The following KANSL1L variants were observed in gnomAD, a reference collection of about 807,000 sequenced individuals.
The protein encoded by KANSL1L is KAT8 regulatory NSL complex subunit 1 like.
In KANSL1L, 25 loss-of-function variants were observed where a neutral mutation model predicts 108.6. The observed-to-expected ratio is 0.23, with a 90% CI of 0.17 to 0.32. KANSL1L has a LOEUF of 0.32. Among genes scored for constraint, KANSL1L ranks in the 10% least tolerant of loss-of-function variants. The pLI, the probability that KANSL1L is intolerant of heterozygous loss-of-function variation, is 1.00. For synonymous variants in KANSL1L, 405 were observed against 395.1 expected (o/e 1.03, Z -0.30); for missense variants, 1,137 against 1,125.7 (o/e 1.01, Z -0.14).
At chr2:210,026,887 C>T (rs2093945402) in intron 12 of KANSL1L, among the ~76,000 whole-genome samples, 1 of 152,178 alleles carries the variant, frequency 6.6e-6, no homozygotes, top group South Asian at 2.1e-4. Context: ...TCTCCTGCCT[C>T]AGCCTCCCAA....
upstream of KANSL1L, chr2:210,171,865 C>A (rs1231687066): frequency 6.6e-6 from 1 of 152,112 alleles, no homozygotes; most frequent in Admixed American, 6.5e-5. Context: ...TTGTCAAGTC[C>A]GCAAGTCTCC....
intron 6 of KANSL1L, among the ~76,000 whole-genome samples, chr2:210,059,581 G>C (rs779884783): frequency 1.9e-4 from 29 of 152,090 alleles, no homozygotes; most frequent in Non-Finnish European, 3.1e-4. Context: ...TTTCTCACAG[G>C]AATATGTTAT....
chr2:210,138,565 T>C (rs902915845), intron 2 of KANSL1L, among the ~76,000 whole-genome samples: 1 of 152,348 alleles, frequency 6.6e-6, no homozygotes, highest in Middle Eastern at 3.4e-3. Flanking sequence ...CTAAGGAAGC[T>C]TAACATTGGG....
At chr2:210,090,723 GGGTCTCACTATATTGTCTAGGCT>G (rs1233642540) in intron 5 of KANSL1L, among the ~76,000 whole-genome samples, 2 of 152,000 alleles carry the variant, frequency 1.3e-5, no homozygotes, top group African/African-American at 2.4e-5. Flanking sequence ...TGAAGAGATG[GGGTCTCACTATATTGTCTAGGCT>G]GGTCTCAAAC....
chr2:210,104,772 C>T (rs1425654787), intron 3 of KANSL1L, among the ~76,000 whole-genome samples: 1 of 152,080 alleles, frequency 6.6e-6, no homozygotes, highest in African/African-American at 2.4e-5. Flanking sequence ...CTAACTCTAT[C>T]CTAACTCCTT....
At chr2:210,146,541 G>T (rs2125613373) in intron 2 of KANSL1L, among the ~76,000 whole-genome samples, 1 of 152,308 alleles carries the variant, frequency 6.6e-6, no homozygotes, top group African/African-American at 2.4e-5. Context: ...CATCTATGAA[G>T]GTGGTTTATT....
rs1358008716 is a variant in KANSL1L at position 210,100,897 on chromosome 2, C to A, written c.1429-2690G>T. Among the ~76,000 whole-genome samples the A allele has an allele frequency of 2.0e-5, 3 of 152,162 alleles. No individual in the cohort carries two copies. In the East Asian group the frequency reaches 5.8e-4, roughly 29 times the overall value. On this transcript the variant is annotated intron_variant, in intron 4 of 14. Coordinates refer to ENST00000281772, the MANE Select transcript of KANSL1L (RefSeq NM_152519.4). ...AAGCAATCTGCCCACCTTGGTCTCC[C>A]AAAGTGCTGGGATTACAGGCATGAG...
intron 8 of KANSL1L, among the ~76,000 whole-genome samples, chr2:210,033,537 A>AT (rs531245187): frequency 0.034 from 5,131 of 150,270 alleles, 120 homozygotes; most frequent in Non-Finnish European, 0.052. Context: ...ACAAAAGTTG[A>AT]TTTTTTTTTT....
chr2:210,143,213 A>G (rs1389411534), intron 2 of KANSL1L, among the ~76,000 whole-genome samples: 3 of 151,380 alleles, frequency 2.0e-5, no homozygotes, highest in Non-Finnish European at 4.4e-5. Flanking sequence ...CTTTTTTTAC[A>G]TGTTTTGGCC....
At chr2:210,128,931 T>A (rs1448359530) in intron 3 of KANSL1L, 100 bp downstream of exon 3, 1 of 1,029,402 alleles carries the variant, frequency 9.7e-7, no homozygotes, top group East Asian at 2.7e-5. Flanking sequence ...CTGGCTACAT[T>A]TTTATAAAAC....
At chr2:210,090,949 G>T (rs2094688287) in intron 5 of KANSL1L, among the ~76,000 whole-genome samples, 1 of 152,168 alleles carries the variant, frequency 6.6e-6, no homozygotes, top group African/African-American at 2.4e-5. Context: ...TCAGCTCAGT[G>T]TGTACCTCAA....
chr2:210,098,393 T>C (rs990645907), intron 4 of KANSL1L, among the ~76,000 whole-genome samples, 186 bp from the exon 5 acceptor site: 1 of 152,226 alleles, frequency 6.6e-6, no homozygotes, highest in African/African-American at 2.4e-5. Flanking sequence ...ATCTATACTT[T>C]AAGTACCCAT....
At chr2:210,132,548 A>G (rs2095131725) in intron 2 of KANSL1L, among the ~76,000 whole-genome samples, 1 of 152,150 alleles carries the variant, frequency 6.6e-6, no homozygotes, top group African/African-American at 2.4e-5. Flanking sequence ...TGCAGCCACC[A>G]CTTAACTTTT....
intron 12 of KANSL1L, 112 bp downstream of exon 12, chr2:210,027,184 A>G (rs1212931895): frequency 1.5e-6 from 1 of 649,886 alleles, no homozygotes; most frequent in African/African-American, 1.8e-5. Flanking sequence ...AAAAGAAAAA[A>G]ATCAGTGTAA....
intron 7 of KANSL1L, 98 bp from the exon 8 acceptor site, chr2:210,040,625 G>T: frequency 1.9e-6 from 1 of 523,882 alleles, no homozygotes; most frequent in Non-Finnish European, 3.3e-6. Flanking sequence ...TCTATAAATA[G>T]CACATAAGCT....
At chr2:210,089,231 A>T (rs2094668850) in intron 5 of KANSL1L, among the ~76,000 whole-genome samples, 1 of 152,194 alleles carries the variant, frequency 6.6e-6, no homozygotes, top group Non-Finnish European at 1.5e-5. Flanking sequence ...CAATCATCTT[A>T]CTGTCACGGA....
rs757689167 is a variant in KANSL1L, at chr2:210,154,085, T to C, written c.498A>G (p.Val166=). The change falls in exon 2 of 15, where the codon GTA becomes GTG. Residue 166 remains valine, a synonymous_variant. Coordinates refer to ENST00000281772, the MANE Select transcript of KANSL1L (RefSeq NM_152519.4). The part of the protein sequence containing the change: ...NITKDTNVDK[V]QLQNCKWYQE... ...GATACCATTTACAGTTTTGTAGTTGTACTTTATCTACATTAGTGTCTTTGG... is the reference window on the plus strand; with the variant it reads ...GATACCATTTACAGTTTTGTAGTTGCACTTTATCTACATTAGTGTCTTTGG... The C allele has an allele frequency of 1.2e-6, 2 of 1,613,250 alleles. No homozygotes were observed. The highest frequency in any genetic ancestry group is 8.5e-7 in the Non-Finnish European group (1 of 1,179,342).
intron 8 of KANSL1L, among the ~76,000 whole-genome samples, chr2:210,035,939 CT>C (rs889318363): frequency 2.0e-5 from 3 of 152,204 alleles, no homozygotes; most frequent in African/African-American, 7.2e-5. Context: ...CCATTCCAGA[CT>C]TACTAAATCA....
intron 1 of KANSL1L, among the ~76,000 whole-genome samples, chr2:210,159,377 C>G (rs2125664760): frequency 6.6e-6 from 1 of 152,288 alleles, no homozygotes; most frequent in Non-Finnish European, 1.5e-5. Flanking sequence ...CTTCCCTGAC[C>G]AATATATTTT....
Sources: allele counts gnomAD v4.1 joint callset (sites outside exome capture counted in the v4.1 genomes callset), GRCh38; gene constraint gnomAD v4.1.1; transcripts MANE v1.5; gene names NCBI Gene and HGNC (gene_info 2026-07-23, HGNC 2026-07-21).